Variants in CALN1 observed in about 807,000 individuals in gnomAD.
The protein encoded by CALN1 is calcium-binding protein 8.
CALN1 carries 17 observed loss-of-function variants against 30.6 expected under a neutral mutation model. The ratio of observed to expected loss-of-function variants is 0.56; its 90% CI spans 0.38 to 0.83. The LOEUF (loss-of-function observed/expected upper bound fraction) is 0.83, where lower values mean the gene tolerates loss of function less well. CALN1 is among the 40% of genes least tolerant of loss of function. The probability of loss-of-function intolerance (pLI) is 0.00; values close to 1 mark genes in which losing one functional copy is unlikely to be tolerated. For synonymous variants in CALN1, 156 were observed against 131.4 expected (o/e 1.19, Z -1.28); for missense variants, 291 against 354.9 (o/e 0.82, Z 1.45).
At chr7:71,868,007 G>A (rs1243126521) in intron 5 of CALN1, among the ~76,000 whole-genome samples, 1 of 152,014 alleles carries the variant, frequency 6.6e-6, no homozygotes, top group Middle Eastern at 3.4e-3. Context: ...TTTAATGTAC[G>A]GTCTTTTCAC....
intron 2 of CALN1, among the ~76,000 whole-genome samples, chr7:72,308,387 G>C (rs1373369485): frequency 3.4e-5 from 4 of 117,584 alleles, no homozygotes; most frequent in South Asian, 3.9e-4. Flanking sequence ...GAGAGAGAGA[G>C]AGAGAGAGAG....
intron 3 of CALN1, among the ~76,000 whole-genome samples, chr7:72,278,397 G>A (rs1797493384): frequency 6.6e-6 from 1 of 151,604 alleles, no homozygotes; most frequent in African/African-American, 2.4e-5. Context: ...TTTAAGAGAG[G>A]TGAAGGCTAT....
intron 3 of CALN1, among the ~76,000 whole-genome samples, chr7:72,247,650 T>C (rs2129551812): frequency 6.6e-6 from 1 of 152,298 alleles, no homozygotes; most frequent in South Asian, 2.1e-4. Context: ...CTGTATTTGT[T>C]TCCTGTGGTT....
At chr7:72,107,404 C>T (rs547012469) in intron 3 of CALN1, among the ~76,000 whole-genome samples, 23 of 152,336 alleles carry the variant, frequency 1.5e-4, no homozygotes, top group African/African-American at 4.8e-4. Flanking sequence ...ATAAGAGCAT[C>T]GTGAAAACTC....
intron 3 of CALN1, among the ~76,000 whole-genome samples, chr7:72,173,429 C>A (rs900503134): frequency 6.6e-6 from 1 of 151,896 alleles, no homozygotes; most frequent in Non-Finnish European, 1.5e-5. Context: ...AAAATTTAAC[C>A]AGACTTATGC....
At chr7:72,077,990 G>T (rs1450989601) in intron 4 of CALN1, among the ~76,000 whole-genome samples, 2 of 152,192 alleles carry the variant, frequency 1.3e-5, no homozygotes, top group East Asian at 3.9e-4. Context: ...TTTCCAAAAT[G>T]AAGTTGTGCT....
At chr7:72,266,597 T>C (rs1796611124) in intron 3 of CALN1, among the ~76,000 whole-genome samples, 1 of 152,226 alleles carries the variant, frequency 6.6e-6, no homozygotes, top group African/African-American at 2.4e-5. Context: ...TCTGACAGCC[T>C]TTGCAGTTGT....
At chr7:71,922,010 G>A (rs1198046839) in intron 5 of CALN1, among the ~76,000 whole-genome samples, 4 of 152,210 alleles carry the variant, frequency 2.6e-5, no homozygotes, top group Non-Finnish European at 4.4e-5. Context: ...CTGAGTGGCC[G>A]TTATGGCCAG....
At chr7:72,218,771 AT>A (rs1793043274) in intron 3 of CALN1, among the ~76,000 whole-genome samples, 1 of 152,204 alleles carries the variant, frequency 6.6e-6, no homozygotes. Context: ...ACGTTAATGA[AT>A]GTGACCCTAT....
chr7:72,406,290 A>C (rs2129562491), intron 1 of CALN1, among the ~76,000 whole-genome samples: 1 of 152,268 alleles, frequency 6.6e-6, no homozygotes, highest in South Asian at 2.1e-4. Context: ...TCTGCACATA[A>C]GACAGACCTC....
chr7:72,024,400 CT>C (rs1212404877), intron 4 of CALN1, among the ~76,000 whole-genome samples: 1 of 152,030 alleles, frequency 6.6e-6, no homozygotes, highest in Non-Finnish European at 1.5e-5. Flanking sequence ...TTGAACAGCA[CT>C]TTTTTTGTTG....
chr7:71,938,718 C>G (rs548962968), intron 5 of CALN1, among the ~76,000 whole-genome samples: 23 of 152,092 alleles, frequency 1.5e-4, no homozygotes, highest in Non-Finnish European at 3.1e-4. Context: ...TCACTTGAAA[C>G]TGGAAGGCAG....
At chr7:71,981,247 C>A (rs745313052) in intron 5 of CALN1, among the ~76,000 whole-genome samples, 9 of 152,148 alleles carry the variant, frequency 5.9e-5, no homozygotes, top group Non-Finnish European at 1.2e-4. Flanking sequence ...CCCCTGCCCC[C>A]CTTTCATCTG....
chr7:72,189,903 T>G (rs1369222410), intron 3 of CALN1, among the ~76,000 whole-genome samples: 1 of 152,224 alleles, frequency 6.6e-6, no homozygotes, highest in African/African-American at 2.4e-5. Flanking sequence ...ATACTTTGAA[T>G]GCATATAGCC....
chr7:72,083,306 T>A (rs1805274360), intron 4 of CALN1, among the ~76,000 whole-genome samples: 1 of 152,164 alleles, frequency 6.6e-6, no homozygotes, highest in African/African-American at 2.4e-5. Flanking sequence ...AAAATAAGTA[T>A]GATAAATGTG....
At chr7:72,233,597 T>A (rs565942996) in intron 3 of CALN1, among the ~76,000 whole-genome samples, 1 of 151,862 alleles carries the variant, frequency 6.6e-6, no homozygotes, top group Non-Finnish European at 1.5e-5. Context: ...TGAGCACTTA[T>A]AGTGTCAGCT....
chr7:72,281,672 C>G (rs754653830), intron 2 of CALN1, among the ~76,000 whole-genome samples: 1 of 152,152 alleles, frequency 6.6e-6, no homozygotes, highest in Non-Finnish European at 1.5e-5. Flanking sequence ...CCACTAAGGT[C>G]GGTACAAAAA....
chr7:72,207,534 T>C (rs578029395), intron 3 of CALN1, among the ~76,000 whole-genome samples: 1 of 152,238 alleles, frequency 6.6e-6, no homozygotes, highest in Admixed American at 6.5e-5. Context: ...GAGGCTGGAG[T>C]GCAGTGGTGC....
At chr7:72,376,466 A>G (rs1389930316) in intron 2 of CALN1, among the ~76,000 whole-genome samples, 1 of 152,204 alleles carries the variant, frequency 6.6e-6, no homozygotes, top group Non-Finnish European at 1.5e-5. Flanking sequence ...CTAATGACAG[A>G]TGACTGAGCA....
Sources: gnomAD v4.1 joint callset for allele counts (sites outside exome capture counted in the v4.1 genomes callset) on GRCh38, gnomAD v4.1.1 for gene constraint, MANE v1.5 for transcripts, NCBI Gene and HGNC (gene_info 2026-07-23, HGNC 2026-07-21) for gene names.